Variants in KLF13 observed in about 807,000 individuals in gnomAD.
KLF13 encodes Krueppel-like factor 13.
KLF13 carries 8 observed loss-of-function variants against 16.7 expected under a neutral mutation model. The observed-to-expected ratio is 0.48, with a 90% CI of 0.28 to 0.87. The LOEUF is 0.87. Among genes scored for constraint, KLF13 ranks in the 40% least tolerant of loss-of-function variants. The pLI, the probability that KLF13 is intolerant of heterozygous loss-of-function variation, is 0.10. For synonymous variants in KLF13, 245 were observed against 208.4 expected, an observed-to-expected ratio of 1.18 and a Z score of -1.51; for missense variants, 447 against 452.2, an observed-to-expected ratio of 0.99 and a Z score of 0.10.
chr15:31,432,321 T>TC (rs1314417418), intron 1 of KLF13, among the ~76,000 whole-genome samples: 2 of 152,076 alleles, frequency 1.3e-5, no homozygotes, highest in South Asian at 4.1e-4. Flanking sequence ...GAAGGTTCCA[T>TC]ACCAGCCAAC....
Position 31,332,853 on chromosome 15 carries a change from A to C in KLF13, c.577+5064A>C, listed in dbSNP as rs145758681. Among the ~76,000 whole-genome samples the C allele has an allele frequency of 3.8e-4, 58 of 152,332 alleles. No homozygotes were observed. The East Asian group carries it at 6.6e-3, about 17-fold the overall frequency. On this transcript the variant is annotated intron_variant, in intron 1 of 1. Coordinates refer to ENST00000307145, the MANE Select transcript of KLF13 (RefSeq NM_015995.4). ...GTGTGTGTGTTTAAATGGGTCATGA[A>C]GAAGCCCTACAGTCAACCAGCACTG...
intron 1 of KLF13, among the ~76,000 whole-genome samples, chr15:31,429,845 G>C (rs190373776): frequency 2.0e-5 from 3 of 151,494 alleles, no homozygotes; most frequent in Admixed American, 1.3e-4. Flanking sequence ...ACCATTCTCC[G>C]GCCTCAGCCT....
chr15:31,392,288 TCTC>T (rs1354798643), upstream of KLF13, among the ~76,000 whole-genome samples: 1 of 152,190 alleles, frequency 6.6e-6, no homozygotes, highest in Non-Finnish European at 1.5e-5. Flanking sequence ...CTAAGTTTCT[TCTC>T]CTCACGTGAG....
intron 1 of KLF13, among the ~76,000 whole-genome samples, chr15:31,416,617 C>A (rs1250567398): frequency 6.6e-6 from 1 of 152,052 alleles, no homozygotes; most frequent in Non-Finnish European, 1.5e-5. Context: ...AAACTAAAAA[C>A]AAGGAAACTT....
intron 1 of KLF13, among the ~76,000 whole-genome samples, chr15:31,430,763 G>A (rs919037375): frequency 2.6e-5 from 4 of 152,208 alleles, no homozygotes; most frequent in African/African-American, 9.7e-5. Flanking sequence ...ACATGTAAAT[G>A]TTCCTTAATC....
chr15:31,420,384 C>G (rs2141007621), intron 1 of KLF13: 1 of 1,143,286 alleles, frequency 8.7e-7, no homozygotes, highest in East Asian at 2.8e-5. Context: ...CTAGAGTTCC[C>G]CAGTGGCTAC....
At chr15:31,356,511 C>A (rs560141523) in intron 1 of KLF13, among the ~76,000 whole-genome samples, 3 of 152,332 alleles carry the variant, frequency 2.0e-5, no homozygotes, top group African/African-American at 7.2e-5. Flanking sequence ...AAGATCGCGC[C>A]ACTGCACTCC....
chr15:31,348,495 CTGT>C (rs2039162893), intron 1 of KLF13, among the ~76,000 whole-genome samples: 1 of 152,204 alleles, frequency 6.6e-6, no homozygotes, highest in African/African-American at 2.4e-5. Flanking sequence ...CCAGACAGGA[CTGT>C]TGCTTGGCCT....
chr15:31,414,823 A>G (rs2040236708), intron 1 of KLF13, among the ~76,000 whole-genome samples: 1 of 152,202 alleles, frequency 6.6e-6, no homozygotes, highest in Non-Finnish European at 1.5e-5. Context: ...AGAAGACTTG[A>G]ATGACACTAT....
At chr15:31,349,829 C>G (rs2039188240) in intron 1 of KLF13, among the ~76,000 whole-genome samples, 1 of 152,164 alleles carries the variant, frequency 6.6e-6, no homozygotes. Context: ...CTTCCAGGTC[C>G]CCTCCTGCCA....
chr15:31,378,646 C>G (rs2039686152), downstream of KLF13, among the ~76,000 whole-genome samples: 1 of 151,908 alleles, frequency 6.6e-6, no homozygotes, highest in Non-Finnish European at 1.5e-5. Context: ...TCAGCCTCAC[C>G]CAGGGGTAGA....
chr15:31,383,121 A>G (rs1003251000), intron 1 of KLF13, among the ~76,000 whole-genome samples: 1 of 152,240 alleles, frequency 6.6e-6, no homozygotes, highest in African/African-American at 2.4e-5. Context: ...TCTCAACACC[A>G]GCAACACAAG....
At chr15:31,363,929 A>G (rs2039424754) in intron 1 of KLF13, among the ~76,000 whole-genome samples, 1 of 152,144 alleles carries the variant, frequency 6.6e-6, no homozygotes, top group African/African-American at 2.4e-5. Flanking sequence ...TAGGGTGGGA[A>G]GTATGAACCC....
At chr15:31,389,331 C>T (rs1595491824), upstream of KLF13, among the ~76,000 whole-genome samples, 1 of 152,314 alleles carries the variant, frequency 6.6e-6, no homozygotes, top group East Asian at 1.9e-4. Flanking sequence ...ATGTGATCAG[C>T]AAGGCTTCTT....
chr15:31,380,307 T>C (rs893965263), downstream of KLF13, among the ~76,000 whole-genome samples: 4 of 152,002 alleles, frequency 2.6e-5, no homozygotes, highest in Admixed American at 2.0e-4. Context: ...ACAAATAAAT[T>C]AATAAAGAAG....
At chr15:31,434,822 G>T (rs2040511262) in intron 1 of KLF13, among the ~76,000 whole-genome samples, 1 of 152,196 alleles carries the variant, frequency 6.6e-6, no homozygotes, top group Non-Finnish European at 1.5e-5. Flanking sequence ...AGCAGCTTTT[G>T]CTCATCCTGC....
chr15:31,365,649 G>T (rs1297543803), intron 1 of KLF13, among the ~76,000 whole-genome samples: 1 of 152,104 alleles, frequency 6.6e-6, no homozygotes, highest in Non-Finnish European at 1.5e-5. Flanking sequence ...GGTTGGGGGG[G>T]AGTTTGGCTA....
chr15:31,397,004 G>A (rs2039960128), intron 2 of KLF13, among the ~76,000 whole-genome samples: 1 of 152,066 alleles, frequency 6.6e-6, no homozygotes, highest in Non-Finnish European at 1.5e-5. Context: ...CACTGTCTGG[G>A]TTATAATTTT....
intron 1 of KLF13, among the ~76,000 whole-genome samples, chr15:31,352,089 A>C (rs1053301012): frequency 1.3e-5 from 2 of 151,946 alleles, no homozygotes; most frequent in Non-Finnish European, 2.9e-5. Context: ...ACACAACAAC[A>C]AAAAAAGGGT....
Sources: gnomAD v4.1 joint callset for allele counts (sites outside exome capture counted in the v4.1 genomes callset) on GRCh38, gnomAD v4.1.1 for gene constraint, MANE v1.5 for transcripts, NCBI Gene and HGNC (gene_info 2026-07-23, HGNC 2026-07-21) for gene names.